Variants in ZNF292 observed in about 807,000 individuals in gnomAD.
The protein encoded by ZNF292 is 16 zinc-finger domain protein.
Under a neutral mutation model 217.9 loss-of-function variants are expected in ZNF292, and 26 were observed. The ratio of observed to expected loss-of-function variants is 0.12; its 90% confidence interval spans 0.09 to 0.17. The LOEUF (loss-of-function observed/expected upper bound fraction) is 0.17. Among genes scored for constraint, ZNF292 ranks in the 10% least tolerant of loss-of-function variants. The probability of loss-of-function intolerance (pLI) is 1.00; values close to 1 mark genes in which losing one functional copy is unlikely to be tolerated. For missense variants in ZNF292, 2,904 were observed against 3,175.2 expected (o/e 0.91, Z 2.05); for synonymous variants, 1,257 against 1,124.1 (o/e 1.12, Z -2.37).
intron 1 of ZNF292, among the ~76,000 whole-genome samples, chr6:87,185,574 G>A (rs952531839): frequency 6.6e-6 from 1 of 152,088 alleles, no homozygotes; most frequent in Non-Finnish European, 1.5e-5. Context: ...TGCCTCCCGG[G>A]CTCAAGTGAT....
chr6:87,212,047 G>C (rs2127798344), intron 1 of ZNF292, among the ~76,000 whole-genome samples: 1 of 152,294 alleles, frequency 6.6e-6, no homozygotes, highest in East Asian at 1.9e-4. Context: ...GTCCAACTTG[G>C]CTACAATGTT....
At chr6:87,166,834 C>T (rs1770932130) in intron 1 of ZNF292, among the ~76,000 whole-genome samples, 1 of 152,144 alleles carries the variant, frequency 6.6e-6, no homozygotes, top group African/African-American at 2.4e-5. Flanking sequence ...TGGATTCCTT[C>T]ATTGTACATA....
intron 1 of ZNF292, among the ~76,000 whole-genome samples, chr6:87,197,622 A>G (rs1232112874): frequency 1.3e-5 from 2 of 148,538 alleles, no homozygotes; most frequent in African/African-American, 5.0e-5. Context: ...CTGTAAGCCT[A>G]GCTGCTTGGG....
chr6:87,177,681 C>T (rs886465149), intron 1 of ZNF292, among the ~76,000 whole-genome samples: 3 of 152,178 alleles, frequency 2.0e-5, no homozygotes, highest in Admixed American at 1.3e-4. Context: ...CTGGGTTGGA[C>T]ACCATGAGTT....
rs188616385 is a variant in ZNF292, at chr6:87,207,536, A to G, written c.169-8367A>G. Reference sequence around the variant, plus strand: ...GAATGTGGAAAAATGTGAAAAAAATATAAAAAATGTGAAACATATTCTTTA... The same window carrying G: ...GAATGTGGAAAAATGTGAAAAAAATGTAAAAAATGTGAAACATATTCTTTA... On this transcript the variant is annotated intron_variant, in intron 1 of 7. Transcript: ENST00000369577. 4.0e-3 allele frequency among the ~76,000 whole-genome samples: 612 copies of G among 152,346 alleles called. 3 individuals carry two copies. Among genetic ancestry groups the G allele is most frequent in the Non-Finnish European group, 7.0e-3 (473 of 68,028 alleles).
chr6:87,165,507 C>T (rs139278056), intron 1 of ZNF292, among the ~76,000 whole-genome samples: 40 of 152,314 alleles, frequency 2.6e-4, no homozygotes, highest in African/African-American at 9.1e-4. Flanking sequence ...CAAAACCATA[C>T]TTATCTTTAC....
intron 5 of ZNF292, among the ~76,000 whole-genome samples, chr6:87,237,256 T>G (rs182083655): frequency 3.4e-4 from 52 of 152,262 alleles, no homozygotes; most frequent in Middle Eastern, 3.4e-3. Flanking sequence ...TTGTTTGTTT[T>G]TTTGGAGACA....
chr6:87,164,762 C>CTTT (rs36077738), intron 1 of ZNF292, among the ~76,000 whole-genome samples: 5 of 128,362 alleles, frequency 3.9e-5, no homozygotes, highest in East Asian at 2.3e-4. Context: ...GGAATGACCT[C>CTTT]TTTTTTTTTT....
intron 1 of ZNF292, chr6:87,169,796 G>A (rs1177973310): frequency 1.1e-4 from 38 of 357,820 alleles, no homozygotes; most frequent in South Asian, 6.3e-4. Flanking sequence ...ACAGATGTGC[G>A]CTACCATGCC....
intron 1 of ZNF292, among the ~76,000 whole-genome samples, chr6:87,159,573 G>A (rs1582360070): frequency 6.6e-6 from 1 of 150,526 alleles, no homozygotes; most frequent in Non-Finnish European, 1.5e-5. Flanking sequence ...CGCAATCTGG[G>A]CTCACCACAA....
chr6:87,213,780 A>T (rs1772607667), intron 1 of ZNF292: 1 of 152,346 alleles, frequency 6.6e-6, no homozygotes, highest in South Asian at 2.1e-4. Context: ...TAAAATGGAG[A>T]ATCAAAGAAT....
intron 1 of ZNF292, among the ~76,000 whole-genome samples, chr6:87,169,142 A>G (rs1202233724): frequency 2.6e-5 from 4 of 151,980 alleles, no homozygotes; most frequent in Non-Finnish European, 2.9e-5. Context: ...TCCCGGGTTC[A>G]AGCGATTCTT....
At chr6:87,175,359 TGA>T (rs1771249624) in intron 1 of ZNF292, among the ~76,000 whole-genome samples, 1 of 152,246 alleles carries the variant, frequency 6.6e-6, no homozygotes, top group Non-Finnish European at 1.5e-5. Context: ...TCTCTTTTTT[TGA>T]GTTGGGGTCT....
At chr6:87,201,497 C>T (rs926471952) in intron 1 of ZNF292, among the ~76,000 whole-genome samples, 2 of 152,144 alleles carry the variant, frequency 1.3e-5, no homozygotes, top group Non-Finnish European at 2.9e-5. Flanking sequence ...CTCCGCCTCC[C>T]GGGTTCAAGC....
At chr6:87,172,820 T>A (rs1234962599) in intron 1 of ZNF292, among the ~76,000 whole-genome samples, 2 of 151,020 alleles carry the variant, frequency 1.3e-5, no homozygotes, top group Non-Finnish European at 2.9e-5. Context: ...AATGAGAGGA[T>A]CACCTGAGCC....
intron 7 of ZNF292, among the ~76,000 whole-genome samples, chr6:87,251,474 C>CCAGAACTTACCTGGTGCTGTTCTTTT (rs1455642584): frequency 6.6e-6 from 1 of 152,160 alleles, no homozygotes; most frequent in African/African-American, 2.4e-5. Context: ...TTTCTGTTTT[C>CCAGAACTTACCTGGTGCTGTTCTTTT]CAGAACTTAC....
rs193137509 is a variant in ZNF292 at position 87,180,122 on chromosome 6, C to T, written c.168+24363C>T. ...ATTGTCTTGGGCCACACATAACATA[C>T]ACTAACAATAGCTGATGAGCTGAAT... On this transcript the variant is annotated intron_variant, in intron 1 of 7. Transcript: ENST00000369577. Among the ~76,000 whole-genome samples the T allele has an allele frequency of 1.7e-3, 255 of 152,280 alleles. 6 individuals are homozygous for T. Among genetic ancestry groups the T allele is most frequent in the Non-Finnish European group, 4.4e-4 (30 of 68,028 alleles).
chr6:87,208,558 T>C (rs1258893869), intron 1 of ZNF292, among the ~76,000 whole-genome samples: 3 of 151,888 alleles, frequency 2.0e-5, no homozygotes, highest in Admixed American at 6.6e-5. Flanking sequence ...TCTTGAAATT[T>C]TACTTTCTTC....
At position 87,259,208 on chromosome 6, in the gene ZNF292, G is replaced by A; in HGVS notation, c.5579G>A (p.Cys1860Tyr). Reference protein sequence around the residue: ...ENDLSTPASQCVLINTSVTLT... With the variant: ...ENDLSTPASQYVLINTSVTLT... ...GACCTATCCACTCCAGCATCCCAAT[G>A]TGTACTGATAAATACATCAGTGACA... The change falls in exon 8 of 8, where the codon TGT becomes TAT. Residue 1860 changes from cysteine to tyrosine, a missense_variant. Cys to Tyr is a radical substitution (Grantham distance 194). Around this residue, in one of 15 missense-constraint regions of ZNF292, gnomAD observed 622 missense variants for 573.1 expected, o/e 1.09. Coordinates refer to ENST00000369577, the MANE Select transcript of ZNF292 (RefSeq NM_015021.3). 1 of 1,613,694 alleles carries A rather than the reference G, an allele frequency of 6.2e-7. No individual in the cohort carries two copies. Among genetic ancestry groups the A allele is most frequent in the Admixed American group, 1.7e-5 (1 of 59,974 alleles).
Sources: gnomAD v4.1 joint callset for allele counts (sites outside exome capture counted in the v4.1 genomes callset) on GRCh38, gnomAD v4.1.1 for gene constraint, gnomAD v4.1.1 regional missense constraint, MANE v1.5 for transcripts, NCBI Gene and HGNC (gene_info 2026-07-23, HGNC 2026-07-21) for gene names.